ADAM22: variants seen among roughly 807,000 people sequenced by gnomAD.
ADAM22 encodes ADAM metallopeptidase domain 22.
ADAM22 carries 65 observed loss-of-function variants against 144.6 expected under a neutral mutation model. That is an observed-to-expected ratio of 0.45 (90% CI 0.37 to 0.55). ADAM22 has a LOEUF of 0.55. Ranked by LOEUF, ADAM22 falls within the 20% of genes least tolerant of loss-of-function variation. ADAM22 has a pLI of 0.00. For missense variants in ADAM22, 974 were observed against 1,184.9 expected (o/e 0.82, Z 2.61); for synonymous variants, 391 against 412.6 (o/e 0.95, Z 0.63).
At chr7:88,150,841 C>G (rs1838131307) in intron 18 of ADAM22, 140 bp from the exon 19 acceptor site, 1 of 615,328 alleles carries the variant, frequency 1.6e-6, no homozygotes, top group African/African-American at 1.9e-5. Context: ...CTCTTGACCT[C>G]CTTTGCATTT....
chr7:87,943,211 A>G (rs1230728855), intron 2 of ADAM22, among the ~76,000 whole-genome samples: 1 of 150,748 alleles, frequency 6.6e-6, no homozygotes, highest in African/African-American at 2.4e-5. Flanking sequence ...CAGGCATTGT[A>G]TTGAGTGATT....
chr7:88,163,014 GT>G lies in ADAM22; in HGVS notation c.1911del (p.His639MetfsTer8). 1 of 1,606,302 alleles carries G rather than the reference GT, an allele frequency of 6.2e-7. No homozygotes were observed. ...VQQGRTLNCS[G>X]GHVKLEEDVD... ...TTTTGCTCTCAATTTGTTTTTAGTG[GT>G]GGGCATGTTAAGCTTGAAGAAGATG... is the stretch of plus-strand genomic sequence containing the variant. On this transcript the variant is annotated frameshift_variant, in exon 23 of 32. Coordinates refer to ENST00000413139, the MANE Select transcript of ADAM22 (RefSeq NM_001324418.2). LOFTEE classifies it high-confidence loss of function.
intron 3 of ADAM22, among the ~76,000 whole-genome samples, chr7:88,068,863 T>A (rs1811968618): frequency 6.6e-6 from 1 of 152,140 alleles, no homozygotes; most frequent in East Asian, 1.9e-4. Flanking sequence ...CAAAGGAGAA[T>A]TCTACATGCA....
intron 4 of ADAM22, among the ~76,000 whole-genome samples, chr7:88,093,292 A>T (rs1027189789): frequency 6.6e-6 from 1 of 152,176 alleles, no homozygotes; most frequent in South Asian, 2.1e-4. Flanking sequence ...AGCAAAAAAA[A>T]AAAATCACAA....
chr7:87,944,651 G>A (rs1032447652), intron 2 of ADAM22, among the ~76,000 whole-genome samples: 19 of 152,194 alleles, frequency 1.2e-4, no homozygotes, highest in African/African-American at 4.6e-4. Flanking sequence ...GGCAGGTGAG[G>A]CTCAGGGAAA....
Position 88,173,533 on chromosome 7 carries a change from T to G in ADAM22, c.2300+1972T>G, listed in dbSNP as rs115281014. Among the ~76,000 whole-genome samples the G allele has an allele frequency of 8.0e-3, 1,212 of 152,188 alleles. 18 individuals carry two copies. The highest frequency in any genetic ancestry group is 0.028 in the African/African-American group (1,150 of 41,566). ...AATGAGTTTCCTTTTTGAGAATATA[T>G]GTTAGTGATTATAGACAAAGTGGTA... On this transcript the variant is annotated intron_variant, in intron 26 of 31. Coordinates refer to ENST00000413139, the MANE Select transcript of ADAM22 (RefSeq NM_001324418.2).
chr7:88,070,156 A>G (rs1812343544), intron 3 of ADAM22, among the ~76,000 whole-genome samples: 1 of 152,148 alleles, frequency 6.6e-6, no homozygotes, highest in African/African-American at 2.4e-5. Context: ...TGTGAATCTC[A>G]TTGGCATTTA....
rs575817522 is a variant in ADAM22 at position 88,007,932 on chromosome 7, C to A, written c.323+29520C>A. ...ATTAAACTAAAGAGCTTCTGCACAG[C>A]AAAAGAAACTATCATCAGAGTGAAC... is the stretch of plus-strand genomic sequence containing the variant. On this transcript the variant is annotated intron_variant, in intron 3 of 31. Transcript: ENST00000413139. Among the ~76,000 whole-genome samples the A allele has an allele frequency of 1.2e-4, 18 of 152,226 alleles. No individual in the cohort carries two copies. The South Asian group carries it at 3.1e-3, about 26-fold the overall frequency.
intron 2 of ADAM22, among the ~76,000 whole-genome samples, chr7:87,973,124 C>T (rs1474271231): frequency 6.6e-6 from 1 of 152,136 alleles, no homozygotes; most frequent in Non-Finnish European, 1.5e-5. Flanking sequence ...TTCTGCACAG[C>T]AAAAGAAACC....
intron 31 of ADAM22, 69 bp from the exon 32 acceptor site, chr7:88,196,402 A>G: frequency 6.4e-7 from 1 of 1,557,130 alleles, no homozygotes; most frequent in Non-Finnish European, 8.9e-7. Context: ...AATCTTTTTC[A>G]TCTCCTATTC....
chr7:88,109,901 A>G (rs564005774), intron 5 of ADAM22, among the ~76,000 whole-genome samples: 6 of 152,152 alleles, frequency 3.9e-5, no homozygotes, highest in Admixed American at 6.6e-5. Context: ...AATCTAGGAA[A>G]GAGAGCTAAT....
chr7:87,935,206 A>G lies in ADAM22; in HGVS notation c.246+20A>G, dbSNP rs1274727521. The G allele has an allele frequency of 6.4e-7, 1 of 1,568,028 alleles. No individual in the cohort carries two copies. On this transcript the variant is annotated intron_variant, in intron 2 of 31. Coordinates refer to ENST00000413139, the MANE Select transcript of ADAM22 (RefSeq NM_001324418.2). ...CCGCAGGTGAGAGGCTCGGTCCGGGAGGTGGTCCTCCGCGCCTCCCGGCCC... is the reference window on the plus strand; with the variant it reads ...CCGCAGGTGAGAGGCTCGGTCCGGGGGGTGGTCCTCCGCGCCTCCCGGCCC...
intron 8 of ADAM22, among the ~76,000 whole-genome samples, chr7:88,126,634 G>A (rs1459238675): frequency 6.6e-6 from 1 of 151,934 alleles, no homozygotes; most frequent in Non-Finnish European, 1.5e-5. Flanking sequence ...CTTGGGACCG[G>A]AAGTTTTGCA....
At chr7:87,987,116 T>C (rs1788665149) in intron 3 of ADAM22, among the ~76,000 whole-genome samples, 1 of 152,212 alleles carries the variant, frequency 6.6e-6, no homozygotes, top group African/African-American at 2.4e-5. Flanking sequence ...AGTGATTAGA[T>C]GTGTTAAAGA....
intron 3 of ADAM22, among the ~76,000 whole-genome samples, chr7:88,062,696 C>A (rs2129477074): frequency 6.6e-6 from 1 of 152,328 alleles, no homozygotes; most frequent in South Asian, 2.1e-4. Context: ...TCTTGGCTTT[C>A]AACATGCCTT....
chr7:88,100,706 C>T (rs990880202), intron 4 of ADAM22, among the ~76,000 whole-genome samples: 14 of 152,182 alleles, frequency 9.2e-5, no homozygotes, highest in African/African-American at 3.4e-4. Context: ...ATTAGAGATG[C>T]GGTCTCACTA....
At chr7:88,035,356 C>G (rs1274192544) in intron 3 of ADAM22, among the ~76,000 whole-genome samples, 1 of 152,220 alleles carries the variant, frequency 6.6e-6, no homozygotes, top group African/African-American at 2.4e-5. Context: ...ATACCAGCAG[C>G]TTATCCCACA....
chr7:88,196,832 G>C lies in ADAM22; in HGVS notation c.*341G>C. On this transcript the variant is annotated 3_prime_UTR_variant, in exon 32 of 32. Transcript: ENST00000413139. ...ACCCAAATGTAGCAAGTTTCCTAAG[G>C]TACAATAGTGGATTCAGAACTTGAC... The C allele has an allele frequency of 3.4e-6, 1 of 291,638 alleles. No homozygotes were observed. The highest frequency in any genetic ancestry group is 6.6e-6 in the Non-Finnish European group (1 of 150,590). The allele number at this position is 291,638 out of a possible 1,614,324, so 18.1% of individuals were successfully genotyped here.
chr7:87,944,032 G>T (rs1052573676), intron 2 of ADAM22, among the ~76,000 whole-genome samples: 24 of 152,110 alleles, frequency 1.6e-4, no homozygotes, highest in African/African-American at 5.8e-4. Context: ...AAATTTTCTA[G>T]CTGAGGCAGA....
Sources: allele counts gnomAD v4.1 joint callset (sites outside exome capture counted in the v4.1 genomes callset), GRCh38; gene constraint gnomAD v4.1.1; transcripts MANE v1.5; gene names NCBI Gene and HGNC (gene_info 2026-07-23, HGNC 2026-07-21).